AP2A2: variants seen among roughly 807,000 people sequenced by gnomAD.
The protein encoded by AP2A2 is adaptor related protein complex 2 subunit alpha 2.
Under a neutral mutation model 104.2 loss-of-function variants are expected in AP2A2, and 32 were observed. The ratio of observed to expected loss-of-function variants is 0.31; its 90% CI spans 0.23 to 0.41. The LOEUF (loss-of-function observed/expected upper bound fraction) is 0.41. Among genes scored for constraint, AP2A2 ranks in the 10% least tolerant of loss-of-function variants. The probability of loss-of-function intolerance (pLI) is 1.00; values close to 1 mark genes in which losing one functional copy is unlikely to be tolerated. For missense variants in AP2A2, 912 were observed against 1,261.0 expected, an observed-to-expected ratio of 0.72 and a Z score of 4.19; for synonymous variants, 539 against 533.3, an observed-to-expected ratio of 1.01 and a Z score of -0.15.
At chr11:953,182 CCT>C (rs1308537797) in intron 1 of AP2A2, among the ~76,000 whole-genome samples, 2 of 152,128 alleles carry the variant, frequency 1.3e-5, no homozygotes, top group South Asian at 2.1e-4. Flanking sequence ...TTTGAGACAG[CCT>C]CTCTCTCTGT....
chr11:1,007,880 C>A, intron 17 of AP2A2, 132 bp from the exon 18 acceptor site: 1 of 1,358,134 alleles, frequency 7.4e-7, no homozygotes, highest in Non-Finnish European at 1.0e-6. Context: ...TGTGGCTGCC[C>A]TCGACCCGTA....
intron 2 of AP2A2, among the ~76,000 whole-genome samples, chr11:967,680 C>G (rs886953872): frequency 6.6e-6 from 1 of 151,994 alleles, no homozygotes; most frequent in African/African-American, 2.4e-5. Context: ...TTTATAGTAA[C>G]CTGCTGAGAA....
chr11:970,102 C>T, intron 2 of AP2A2, 67 bp from the exon 3 acceptor site: 2 of 1,568,956 alleles, frequency 1.3e-6, no homozygotes, highest in East Asian at 2.2e-5. Context: ...CTGCACTGCC[C>T]TCTGCTCTCC....
At chr11:926,584 A>G (rs1006094858) in intron 1 of AP2A2, among the ~76,000 whole-genome samples, 2 of 152,180 alleles carry the variant, frequency 1.3e-5, no homozygotes, top group African/African-American at 4.8e-5. Context: ...GCGTTTTCCA[A>G]AACGGCGTGG....
intron 3 of AP2A2, among the ~76,000 whole-genome samples, chr11:971,003 A>G (rs953998470): frequency 2.0e-5 from 3 of 152,242 alleles, no homozygotes; most frequent in South Asian, 2.1e-4. Flanking sequence ...GTATAAAGTA[A>G]TATTTTCTTC....
intron 1 of AP2A2, among the ~76,000 whole-genome samples, chr11:927,047 A>G (rs1853143427): frequency 5.9e-5 from 9 of 152,164 alleles, no homozygotes; most frequent in Admixed American, 5.9e-4. Context: ...GTTATCCAGC[A>G]AATAGTTGAC....
intron 15 of AP2A2, 120 bp downstream of exon 15, chr11:1,000,718 C>G: frequency 8.8e-7 from 1 of 1,139,880 alleles, no homozygotes; most frequent in Non-Finnish European, 1.2e-6. Context: ...AGATTACTGC[C>G]TGGGGGAGAG....
chr11:947,012 T>TC (rs1475690793), intron 1 of AP2A2: 4 of 40,864 alleles, frequency 9.8e-5, no homozygotes, highest in Non-Finnish European at 1.5e-4. Context: ...TTTCTTTTCT[T>TC]TTTTTTTTTT....
At chr11:951,985 C>G (rs781278755) in intron 1 of AP2A2, among the ~76,000 whole-genome samples, 2 of 152,046 alleles carry the variant, frequency 1.3e-5, no homozygotes, top group African/African-American at 2.4e-5. Context: ...CCCCCCACCT[C>G]AGCCTCCCTA....
intron 4 of AP2A2, 70 bp from the exon 5 acceptor site, chr11:977,025 G>A (rs926055314): frequency 6.3e-7 from 1 of 1,596,892 alleles, no homozygotes. Context: ...GCTGGCTCTG[G>A]GGGGGTGCTC....
intron 1 of AP2A2, among the ~76,000 whole-genome samples, chr11:927,643 C>T (rs998186207): frequency 6.6e-6 from 1 of 151,776 alleles, no homozygotes; most frequent in African/African-American, 2.4e-5. Context: ...TGGTAACACC[C>T]TGTCTCTACA....
In AP2A2 at chr11:941,154, G is replaced by A. The variant is rs146937084; in HGVS notation, c.67+15066G>A. On this transcript the variant is annotated intron_variant, in intron 1 of 21. Transcript: ENST00000448903. ...ACTTGAAGCCCATCCTCCTGACATCGGTCTCCTGAGGTTCCTTTCATTCCC... is the reference window on the plus strand; with the variant it reads ...ACTTGAAGCCCATCCTCCTGACATCAGTCTCCTGAGGTTCCTTTCATTCCC... Among the ~76,000 whole-genome samples the A allele has an allele frequency of 5.2e-3, 796 of 152,248 alleles. 4 individuals are homozygous for A. The highest frequency in any genetic ancestry group is 9.1e-3 in the Non-Finnish European group (619 of 68,030).
At chr11:934,862 TC>T (rs1853400549) in intron 1 of AP2A2, among the ~76,000 whole-genome samples, 2 of 151,640 alleles carry the variant, frequency 1.3e-5, no homozygotes, top group Non-Finnish European at 1.5e-5. Flanking sequence ...TCTTTTCTTT[TC>T]TTTTTTTTTT....
At chr11:982,093 C>T (rs1426512016) in intron 6 of AP2A2, among the ~76,000 whole-genome samples, 1 of 152,196 alleles carries the variant, frequency 6.6e-6, no homozygotes, top group African/African-American at 2.4e-5. Flanking sequence ...CTTTGTCGCC[C>T]AGGCTAGAGT....
chr11:956,922 G>C (rs923594943), intron 1 of AP2A2: 2 of 152,322 alleles, frequency 1.3e-5, no homozygotes, highest in South Asian at 2.1e-4. Flanking sequence ...CAAGCTATCA[G>C]TTCTGCAGCA....
intron 14 of AP2A2, among the ~76,000 whole-genome samples, chr11:997,214 C>T (rs974809629): frequency 6.6e-6 from 1 of 152,188 alleles, no homozygotes; most frequent in Non-Finnish European, 1.5e-5. Context: ...GGACATTTTA[C>T]TTCTTCCGAG....
At chr11:999,057 G>T (rs766748051) in intron 14 of AP2A2, among the ~76,000 whole-genome samples, 1 of 152,192 alleles carries the variant, frequency 6.6e-6, no homozygotes, top group Non-Finnish European at 1.5e-5. Flanking sequence ...GGCAGGACCC[G>T]TGGAGCCCAG....
At chr11:943,136 C>T (rs1853711048) in intron 1 of AP2A2, 1 of 152,134 alleles carries the variant, frequency 6.6e-6, no homozygotes, top group Non-Finnish European at 1.5e-5. Flanking sequence ...CAGGACAAGC[C>T]ACAGACAAAA....
At chr11:998,178 T>C (rs566299999) in intron 14 of AP2A2, among the ~76,000 whole-genome samples, 2 of 152,334 alleles carry the variant, frequency 1.3e-5, no homozygotes, top group Non-Finnish European at 2.9e-5. Flanking sequence ...TTTGGGACTC[T>C]TCTCTGCCAG....
Sources: gnomAD v4.1 joint callset for allele counts (sites outside exome capture counted in the v4.1 genomes callset) on GRCh38, gnomAD v4.1.1 for gene constraint, MANE v1.5 for transcripts, NCBI Gene and HGNC (gene_info 2026-07-23, HGNC 2026-07-21) for gene names.